CD69: variants seen among roughly 807,000 people sequenced by gnomAD.
CD69 encodes the protein early activation antigen CD69.
CD69 carries 10 observed loss-of-function variants against 21.4 expected under a neutral mutation model. The ratio of observed to expected loss-of-function variants is 0.47; its 90% confidence interval spans 0.29 to 0.79. The LOEUF (loss-of-function observed/expected upper bound fraction) is 0.79, where lower values mean the gene tolerates loss of function less well. Ranked by LOEUF, CD69 falls within the 30% of genes least tolerant of loss-of-function variation. The probability of loss-of-function intolerance (pLI) is 0.09; values close to 1 mark genes in which losing one functional copy is unlikely to be tolerated. For synonymous variants in CD69, 63 were observed against 78.2 expected, an observed-to-expected ratio of 0.81 and a Z score of 1.03; for missense variants, 204 against 236.9, an observed-to-expected ratio of 0.86 and a Z score of 0.91.
At chr12:9,758,764 G>A (rs1038842120) in intron 1 of CD69, among the ~76,000 whole-genome samples, 7 of 152,152 alleles carry the variant, frequency 4.6e-5, no homozygotes, top group African/African-American at 1.7e-4. Flanking sequence ...AGTCAGTCGT[G>A]CTGCTTGAAC....
intron 1 of CD69, among the ~76,000 whole-genome samples, chr12:9,759,746 T>C (rs1219690586): frequency 6.6e-6 from 1 of 152,224 alleles, no homozygotes; most frequent in Non-Finnish European, 1.5e-5. Context: ...CCTTTGTTAA[T>C]AGATCGCTCT....
chr12:9,754,542 T>G, intron 4 of CD69, 45 bp downstream of exon 4: 15 of 1,079,776 alleles, frequency 1.4e-5, no homozygotes, highest in Non-Finnish European at 2.0e-5. Context: ...GTGATTTTCC[T>G]GAGATGCCAC....
intron 1 of CD69, among the ~76,000 whole-genome samples, chr12:9,760,300 C>T (rs1007291113): frequency 1.3e-5 from 2 of 152,044 alleles, no homozygotes; most frequent in Non-Finnish European, 1.5e-5. Flanking sequence ...AATGTAATTG[C>T]TTATGTGGAA....
At chr12:9,759,901 A>G (rs2121104938) in intron 1 of CD69, among the ~76,000 whole-genome samples, 1 of 152,350 alleles carries the variant, frequency 6.6e-6, no homozygotes, top group Non-Finnish European at 1.5e-5. Context: ...GTAACAGGAA[A>G]TAAGCTAGAT....
Position 9,753,470 on chromosome 12 carries a change from A to G in CD69, c.*11T>C. ...ATTCTATAATAGTCAATAAGTGAACATGTTTCCTTATTATTTGTAAGGTTT... is the reference window on the plus strand; with the variant it reads ...ATTCTATAATAGTCAATAAGTGAACGTGTTTCCTTATTATTTGTAAGGTTT... On this transcript the variant is annotated 3_prime_UTR_variant, in exon 5 of 5. Transcript: ENST00000228434. 1 of 1,102,544 alleles carries G rather than the reference A, an allele frequency of 9.1e-7. No homozygotes were observed. Among genetic ancestry groups the G allele is most frequent in the Non-Finnish European group, 1.4e-6 (1 of 721,454 alleles). The allele number at this position is 1,102,544 out of a possible 1,614,324, so 68.3% of individuals were successfully genotyped here.
chr12:9,755,045 CT>C lies in CD69; in HGVS notation c.387+16del, dbSNP rs765962500. Reference sequence around the variant, plus strand: ...ATGAATTAAAATAGTAGTATTTTATCTTTTTTTTATTCTTACCATGTCCTTT... The same window carrying C: ...ATGAATTAAAATAGTAGTATTTTATCTTTTTTTATTCTTACCATGTCCTTT... On this transcript the variant is annotated intron_variant, in intron 3 of 4. Coordinates refer to ENST00000228434, the MANE Select transcript of CD69 (RefSeq NM_001781.2). 7.5e-6 allele frequency: 12 copies of C among 1,601,948 alleles called. No individual in the cohort carries two copies. Among genetic ancestry groups the C allele is most frequent in the African/African-American group, 4.0e-5 (3 of 74,532 alleles).
intron 1 of CD69, 27 bp downstream of exon 1, chr12:9,760,730 G>A (rs748076213): frequency 1.0e-5 from 16 of 1,559,970 alleles, no homozygotes; most frequent in Non-Finnish European, 1.4e-5. Flanking sequence ...ATACCAGAGA[G>A]TAAATAGGCA....
At chr12:9,755,313 C>T in intron 2 of CD69, 52 bp from the exon 3 acceptor site, 1 of 1,458,856 alleles carries the variant, frequency 6.9e-7, no homozygotes, top group Non-Finnish European at 9.6e-7. Context: ...CAAATACCCA[C>T]AGCATGCAAA....
chr12:9,754,377 T>C (rs1048114700), intron 4 of CD69: 2 of 362,796 alleles, frequency 5.5e-6, no homozygotes, highest in African/African-American at 2.1e-5. Context: ...ACTATAAGCA[T>C]TTATTTTATG....
Position 9,755,088 on chromosome 12 carries a change from C to T in CD69, c.361G>A (p.Ala121Thr). 1 of 1,613,922 alleles carries T rather than the reference C, an allele frequency of 6.2e-7. No individual in the cohort carries two copies. Among genetic ancestry groups the T allele is most frequent in the Non-Finnish European group, 8.5e-7 (1 of 1,179,894 alleles). Residue 121 changes from alanine to threonine, a missense_variant, in exon 3 of 5, where the codon GCT becomes ACT. Transcript: ENST00000228434. ...NACSEHGATL[A>T]VIDSEKDMNF... ...ATGTCCTTTTCAGAATCAATGACAG[C>T]AAGAGTAGCACCATGTTCAGAACAA...
Position 9,753,259 on chromosome 12 carries a change from G to T in CD69, c.*222C>A. On this transcript the variant is annotated 3_prime_UTR_variant, in exon 5 of 5. Coordinates refer to ENST00000228434, the MANE Select transcript of CD69 (RefSeq NM_001781.2). ...CTTGGGCATGGTTATTGGTCAACCT[G>T]TGATGCTTCTAGCTCATGGCAATAA... 3.1e-6 allele frequency: 1 copy of T among 327,008 alleles called. No individual in the cohort carries two copies. Among genetic ancestry groups the T allele is most frequent in the African/African-American group, 2.1e-5 (1 of 46,658 alleles). The allele number at this position is 327,008 out of a possible 1,614,324, so 20.3% of individuals were successfully genotyped here. A position where few individuals can be genotyped will look rare whatever the true frequency, so the allele number is the denominator to read the frequency against.
At chr12:9,757,027 C>T (rs1037223289) in intron 1 of CD69, among the ~76,000 whole-genome samples, 4 of 151,884 alleles carry the variant, frequency 2.6e-5, no homozygotes, top group East Asian at 1.9e-4. Flanking sequence ...TTGCTGTGAG[C>T]GGAGATTGCA....
chr12:9,754,362 A>G (rs2121097404), intron 4 of CD69: 2 of 320,926 alleles, frequency 6.2e-6, no homozygotes, highest in South Asian at 1.5e-4. Context: ...TTGCTGAGAA[A>G]AATTACTATA....
rs777537833 is a variant in CD69, at chr12:9,753,496, G to C, written c.585C>G (p.Asn195Lys). Reference sequence around the variant, plus strand: ...TGTTTCCTTATTATTTGTAAGGTTTGTTACATATCCAGTATAAATTCTTCT... The same window carrying C: ...TGTTTCCTTATTATTTGTAAGGTTTCTTACATATCCAGTATAAATTCTTCT... ...ECEKNLYWIC[N>K]KPYK The change falls in exon 5 of 5, where the codon AAC (asparagine) becomes AAG (lysine). Residue 195 changes from asparagine to lysine, a missense_variant. Physicochemically the swap from Asn to Lys is moderately conservative, Grantham distance 94. Transcript: ENST00000228434. The C allele has an allele frequency of 2.1e-6, 3 of 1,436,402 alleles. No homozygotes were observed. The highest frequency in any genetic ancestry group is 3.4e-5 in the Admixed American group (2 of 58,356). 89.0% of individuals were successfully genotyped at this position (1,436,402 alleles called of 1,614,324 possible).
chr12:9,753,426 A>C lies in CD69; in HGVS notation c.*55T>G. ...GGACCACAGAGCAGCATCCACTGAC[A>C]CAGATTTCCTTGAGTTCCATTCTAT... is the stretch of plus-strand genomic sequence containing the variant. On this transcript the variant is annotated 3_prime_UTR_variant, in exon 5 of 5. Transcript: ENST00000228434. 1 of 773,902 alleles carries C rather than the reference A, an allele frequency of 1.3e-6. No individual in the cohort carries two copies. The highest frequency in any genetic ancestry group is 1.7e-5 in the South Asian group (1 of 57,886). 47.9% of individuals were successfully genotyped at this position (773,902 alleles called of 1,614,324 possible). A position where few individuals can be genotyped will look rare whatever the true frequency, so the allele number is the denominator to read the frequency against.
rs1391756182 is a variant in CD69 at position 9,752,656 on chromosome 12, A to T, written c.*825T>A. The T allele has an allele frequency of 6.6e-6, 1 of 152,652 alleles. No individual in the cohort carries two copies. Among genetic ancestry groups the T allele is most frequent in the Non-Finnish European group, 1.5e-5 (1 of 68,032 alleles). The allele number at this position is 152,652 out of a possible 1,614,324, so 9.5% of individuals were successfully genotyped here. A position where few individuals can be genotyped will look rare whatever the true frequency, so the allele number is the denominator to read the frequency against. On this transcript the variant is annotated 3_prime_UTR_variant, in exon 5 of 5. Transcript: ENST00000228434. ...AAAGTCACAAACCTATTATAAGACT[A>T]GTATTATTCTAGGTCTGAAGATTAC... is the stretch of plus-strand genomic sequence containing the variant.
intron 1 of CD69, among the ~76,000 whole-genome samples, chr12:9,757,557 A>C (rs1866689215): frequency 6.6e-6 from 1 of 152,244 alleles, no homozygotes; most frequent in South Asian, 2.1e-4. Context: ...ATATCCATAC[A>C]AGGGAATTCC....
rs777850345 is a variant in CD69 at position 9,755,153 on chromosome 12, A to G, written c.296T>C (p.Ile99Thr). 1.9e-6 allele frequency: 3 copies of G among 1,614,128 alleles called. No individual in the cohort carries two copies. Among genetic ancestry groups the G allele is most frequent in the Non-Finnish European group, 1.7e-6 (2 of 1,179,960 alleles). The stretch of plus-strand genomic sequence containing the variant: ...AGTCCAGCTCCTCTTCACAGTAGAA[A>G]TAAAGTAGCATTTCCTCTGGTAGCC... ...WVGYQRKCYF[I>T]STVKRSWTSA... Residue 99 changes from isoleucine (I) to threonine (T), a missense_variant, in exon 3 of 5, where the codon ATT becomes ACT. By Grantham distance (89) the Ile-to-Thr change is moderately conservative. Coordinates refer to ENST00000228434, the MANE Select transcript of CD69 (RefSeq NM_001781.2).
intron 1 of CD69, among the ~76,000 whole-genome samples, chr12:9,759,664 T>G (rs1047406527): frequency 6.6e-6 from 1 of 152,110 alleles, no homozygotes; most frequent in Non-Finnish European, 1.5e-5. Flanking sequence ...AGTAAACTAA[T>G]ATAGTAGACA....
Sources: allele counts gnomAD v4.1 joint callset (sites outside exome capture counted in the v4.1 genomes callset), GRCh38; gene constraint gnomAD v4.1.1; transcripts MANE v1.5; gene names NCBI Gene and HGNC (gene_info 2026-07-23, HGNC 2026-07-21).